The following TRIM43B variants were observed in gnomAD, a reference collection of about 807,000 sequenced individuals.
The protein encoded by TRIM43B is tripartite motif-containing protein 43B.
TRIM43B carries 15 observed loss-of-function variants against 27.0 expected under a neutral mutation model. That is an observed-to-expected ratio of 0.55 (90% confidence interval 0.37 to 0.85). The LOEUF is 0.85. Among genes scored for constraint, TRIM43B ranks in the 40% least tolerant of loss-of-function variants. TRIM43B has a pLI of 0.00. For missense variants in TRIM43B, 172 were observed against 289.8 expected, an observed-to-expected ratio of 0.59 and a Z score of 2.95; for synonymous variants, 69 against 97.8, an observed-to-expected ratio of 0.71 and a Z score of 1.74.
chr2:95,481,771 T>A, intron 2 of TRIM43B, 81 bp from the exon 3 acceptor site: 1 of 1,444,856 alleles, frequency 6.9e-7, no homozygotes, highest in Non-Finnish European at 9.3e-7. Flanking sequence ...GCAAGGGATC[T>A]AATATATAAA....
rs1683525670 is a variant in TRIM43B at position 95,481,639 on chromosome 2, G to A, written c.463C>T (p.Gln155Ter). ...CTTCTCTCCTCATATAGATTTCTCT[G>A]ATTTTCTTGAATCTTTTTCCATAAA... The change falls in exon 3 of 7, where the codon CAG becomes TAG. Residue 155 changes from glutamine to a stop codon, truncating the protein, a stop_gained. Coordinates refer to ENST00000639673, the Ensembl canonical transcript of TRIM43B. LOFTEE classifies it high-confidence loss of function. The A allele has an allele frequency of 6.2e-7, 1 of 1,612,706 alleles. No individual in the cohort carries two copies. The highest frequency in any genetic ancestry group is 1.7e-4 in the Middle Eastern group (1 of 6,044).
At chr2:95,480,261 G>C in intron 4 of TRIM43B, 44 bp downstream of exon 4, 1 of 1,533,732 alleles carries the variant, frequency 6.5e-7, no homozygotes, top group Non-Finnish European at 8.8e-7. Flanking sequence ...AGATGTAAAG[G>C]TCAGCTAACA....
At chr2:95,480,335 C>T (rs1683498144) in exon 4 of TRIM43B, 1 of 1,609,588 alleles carries the variant, frequency 6.2e-7, no homozygotes, top group Non-Finnish European at 8.5e-7. Context: ...GTTTATGACA[C>T]ATTTCCATTA....
intron 1 of TRIM43B, among the ~76,000 whole-genome samples, chr2:95,484,188 A>G (rs760859402): frequency 6.6e-6 from 1 of 151,786 alleles, no homozygotes; most frequent in African/African-American, 2.4e-5. Flanking sequence ...GGCCAACATA[A>G]TGAAACCCCG....
At chr2:95,482,673 G>A (rs191840560) in exon 2 of TRIM43B, 3 of 1,613,782 alleles carry the variant, frequency 1.9e-6, no homozygotes, top group Middle Eastern at 1.7e-4. Flanking sequence ...AGATGACACA[G>A]GTGAGTTCCT....
At chr2:95,482,801 G>C (rs185650681) in intron 1 of TRIM43B, 83 bp from the exon 2 acceptor site, 2 of 1,531,314 alleles carry the variant, frequency 1.3e-6, no homozygotes, top group Non-Finnish European at 1.7e-6. Flanking sequence ...GATCGTGATC[G>C]AATAATATCC....
intron 1 of TRIM43B, among the ~76,000 whole-genome samples, chr2:95,483,045 T>C (rs1050212052): frequency 3.3e-5 from 5 of 152,210 alleles, no homozygotes; most frequent in Non-Finnish European, 5.9e-5. Context: ...AACTCAAAGT[T>C]TGAGTCTTGA....
chr2:95,480,519 C>G (rs539398172), exon 4 of TRIM43B: 4 of 1,608,226 alleles, frequency 2.5e-6, no homozygotes, highest in Admixed American at 3.3e-5. Flanking sequence ...CATCTGTGCC[C>G]GTAAAACCAC....
exon 2 of TRIM43B, chr2:95,482,527 T>C: frequency 6.2e-7 from 1 of 1,610,812 alleles, no homozygotes; most frequent in East Asian, 2.2e-5. Flanking sequence ...GGTTTTGAAG[T>C]CCATTTTCGG....
intron 1 of TRIM43B, among the ~76,000 whole-genome samples, chr2:95,483,048 A>C (rs1683564587): frequency 6.6e-6 from 1 of 152,106 alleles, no homozygotes; most frequent in South Asian, 2.1e-4. Context: ...TCAAAGTTTG[A>C]GTCTTGAACG....
At chr2:95,481,600 A>G (rs1211315736) in exon 3 of TRIM43B, 1 of 1,611,504 alleles carries the variant, frequency 6.2e-7, no homozygotes, top group East Asian at 2.2e-5. Flanking sequence ...CTTACCCTCA[A>G]GAGGAAGGCT....
chr2:95,482,370 G>A, exon 2 of TRIM43B: 1 of 1,607,054 alleles, frequency 6.2e-7, no homozygotes, highest in Non-Finnish European at 8.5e-7. Flanking sequence ...GAGAGTTGGA[G>A]CACAGCAAGC....
chr2:95,482,501 T>G, exon 2 of TRIM43B: 1 of 1,607,130 alleles, frequency 6.2e-7, no homozygotes. Flanking sequence ...GTCACTAAAT[T>G]CTTCAGAAGA....
At position 95,482,499 on chromosome 2, in the gene TRIM43B, AT is replaced by A. The variant is rs1221753367; in HGVS notation, c.215del (p.Asn72IlefsTer2). On this transcript the variant is annotated frameshift_variant, in exon 2 of 7. Coordinates refer to ENST00000639673, the Ensembl canonical transcript of TRIM43B. LOFTEE classifies it high-confidence loss of function. ...TGGCTTTTCTGGCAATGGTCACTAA[AT>A]TCTTCAGAAGAATATTGGTTTTGAA... The A allele has an allele frequency of 6.2e-7, 1 of 1,606,904 alleles. No individual in the cohort carries two copies. The highest frequency in any genetic ancestry group is 1.3e-5 in the African/African-American group (1 of 74,366).
chr2:95,482,530 A>T (rs769087749), exon 2 of TRIM43B: 8 of 1,610,858 alleles, frequency 5.0e-6, no homozygotes, highest in Non-Finnish European at 5.1e-6. Flanking sequence ...TTTGAAGTCC[A>T]TTTTCGGTGA....
intron 2 of TRIM43B, among the ~76,000 whole-genome samples, chr2:95,481,982 C>T (rs1558814077): frequency 6.6e-6 from 1 of 151,586 alleles, no homozygotes; most frequent in South Asian, 2.1e-4. Flanking sequence ...GTGCTACTCC[C>T]ATACTCATTT....
At chr2:95,482,844 C>A in intron 1 of TRIM43B, 126 bp from the exon 2 acceptor site, 2 of 1,505,056 alleles carry the variant, frequency 1.3e-6, no homozygotes, top group South Asian at 2.8e-5. Context: ...TTTTAATTTG[C>A]AATGACAGAA....
chr2:95,483,670 T>C (rs1046053571), intron 1 of TRIM43B, among the ~76,000 whole-genome samples: 2 of 151,392 alleles, frequency 1.3e-5, no homozygotes, highest in Non-Finnish European at 1.5e-5. Context: ...TACTAAAAAA[T>C]ACAAAAAATT....
intron 1 of TRIM43B, among the ~76,000 whole-genome samples, chr2:95,483,744 C>T (rs1228105119): frequency 6.6e-6 from 1 of 151,848 alleles, no homozygotes; most frequent in African/African-American, 2.4e-5. Context: ...TGGAGAATGG[C>T]GTGAACCCGG....
Sources: allele counts gnomAD v4.1 joint callset (sites outside exome capture counted in the v4.1 genomes callset), GRCh38; gene constraint gnomAD v4.1.1; transcripts MANE v1.5; gene names NCBI Gene and HGNC (gene_info 2026-07-23, HGNC 2026-07-21).